DOCK1: variants seen among roughly 807,000 people sequenced by gnomAD.
The protein encoded by DOCK1 is dedicator of cytokinesis 1.
Under a neutral mutation model 262.7 loss-of-function variants are expected in DOCK1, and 138 were observed. The observed-to-expected ratio is 0.53, with a 90% confidence interval of 0.46 to 0.61. DOCK1 has a LOEUF of 0.61. Ranked by LOEUF, DOCK1 falls within the 20% of genes least tolerant of loss-of-function variation. The pLI, the probability that DOCK1 is intolerant of heterozygous loss-of-function variation, is 0.00. For missense variants in DOCK1, 1,908 were observed against 2,370.7 expected (o/e 0.80, Z 4.05); for synonymous variants, 866 against 867.4 (o/e 1.00, Z 0.03).
chr10:127,285,565 G>T (rs938811026), intron 29 of DOCK1, among the ~76,000 whole-genome samples: 3 of 152,230 alleles, frequency 2.0e-5, no homozygotes, highest in Non-Finnish European at 2.9e-5. Flanking sequence ...TCACTCTGGA[G>T]GTGGGAGTGG....
chr10:127,329,917 G>A, intron 29 of DOCK1, among the ~76,000 whole-genome samples: 1 of 152,116 alleles, frequency 6.6e-6, no homozygotes, highest in East Asian at 1.9e-4. Context: ...TGGAGGTGAA[G>A]CTGAGGGTAC....
At chr10:127,298,453 A>C (rs1336842137) in intron 29 of DOCK1, among the ~76,000 whole-genome samples, 5 of 152,082 alleles carry the variant, frequency 3.3e-5, no homozygotes, top group Non-Finnish European at 1.5e-5. Flanking sequence ...GTTAGGAGGG[A>C]GTTTTCCCTT....
At chr10:127,119,945 A>G (rs964171956) in intron 25 of DOCK1, among the ~76,000 whole-genome samples, 1 of 152,346 alleles carries the variant, frequency 6.6e-6, no homozygotes, top group African/African-American at 2.4e-5. Context: ...TCATTACCAG[A>G]GCATTAATCA....
intron 27 of DOCK1, among the ~76,000 whole-genome samples, chr10:127,131,140 G>C (rs1671698658): frequency 6.6e-6 from 1 of 152,254 alleles, no homozygotes; most frequent in South Asian, 2.1e-4. Flanking sequence ...TTCTAAGAAG[G>C]GGGTGTGACA....
intron 1 of DOCK1, among the ~76,000 whole-genome samples, chr10:126,948,116 ATGG>A (rs2035715404): frequency 4.8e-3 from 105 of 22,082 alleles, no homozygotes; most frequent in Middle Eastern, 0.036. Flanking sequence ...GTTGGTGGTG[ATGG>A]TGGTGGTTGG....
intron 33 of DOCK1, among the ~76,000 whole-genome samples, chr10:127,364,018 G>A (rs1420892708): frequency 6.6e-6 from 1 of 152,212 alleles, no homozygotes; most frequent in African/African-American, 2.4e-5. Flanking sequence ...CACGGTGCCT[G>A]GCACTATAAA....
At chr10:127,029,808 A>G (rs371989461) in intron 16 of DOCK1, among the ~76,000 whole-genome samples, 89 of 152,248 alleles carry the variant, frequency 5.8e-4, no homozygotes, top group African/African-American at 2.0e-3. Context: ...CCTTCTGCTG[A>G]CCATTATTGT....
At chr10:127,239,697 G>A (rs2059195352) in intron 27 of DOCK1, among the ~76,000 whole-genome samples, 1 of 152,050 alleles carries the variant, frequency 6.6e-6, no homozygotes, top group Non-Finnish European at 1.5e-5. Flanking sequence ...TTCTATTATA[G>A]TGTGTTTTCA....
At chr10:127,243,950 ATTC>A (rs1343304630) in intron 27 of DOCK1, among the ~76,000 whole-genome samples, 1 of 152,046 alleles carries the variant, frequency 6.6e-6, no homozygotes, top group African/African-American at 2.4e-5. Context: ...TGTACTATAT[ATTC>A]TTTATATTGG....
At chr10:127,040,714 T>C (rs567851066) in intron 19 of DOCK1, among the ~76,000 whole-genome samples, 2 of 152,318 alleles carry the variant, frequency 1.3e-5, no homozygotes, top group South Asian at 4.2e-4. Context: ...TTTCCTCTGA[T>C]GTCCTTGCTG....
At chr10:126,996,726 T>C in intron 6 of DOCK1, 22 bp from the exon 7 acceptor site, 1 of 1,599,618 alleles carries the variant, frequency 6.3e-7, no homozygotes, top group South Asian at 1.1e-5. Flanking sequence ...TCTGTGAACT[T>C]ACTAAATTCT....
intron 38 of DOCK1, among the ~76,000 whole-genome samples, chr10:127,400,545 G>A (rs569729486): frequency 3.3e-5 from 5 of 152,206 alleles, no homozygotes; most frequent in East Asian, 1.9e-4. Flanking sequence ...CAAGCCCACC[G>A]CTTATCTGCT....
chr10:127,047,806 A>G (rs2044448530), intron 21 of DOCK1, among the ~76,000 whole-genome samples: 1 of 152,164 alleles, frequency 6.6e-6, no homozygotes, highest in Admixed American at 6.5e-5. Context: ...TTCTCTTGAG[A>G]TTCATGCATG....
chr10:127,052,297 G>T (rs1046915036), intron 21 of DOCK1, among the ~76,000 whole-genome samples: 5 of 152,184 alleles, frequency 3.3e-5, no homozygotes, highest in African/African-American at 1.2e-4. Flanking sequence ...GGCCAAGGGG[G>T]GTGGATTGCC....
At chr10:127,287,111 G>T (rs1468125653) in intron 29 of DOCK1, among the ~76,000 whole-genome samples, 12 of 151,660 alleles carry the variant, frequency 7.9e-5, no homozygotes, top group Middle Eastern at 3.2e-3. Context: ...TTTTCACTGT[G>T]TTAGCCAGGA....
chr10:127,375,350 A>C (rs1394703848), intron 35 of DOCK1, among the ~76,000 whole-genome samples: 1 of 152,246 alleles, frequency 6.6e-6, no homozygotes, highest in Non-Finnish European at 1.5e-5. Flanking sequence ...CATGGCAAGA[A>C]TGCAAGAAAA....
intron 29 of DOCK1, among the ~76,000 whole-genome samples, chr10:127,318,038 C>T (rs2062358887): frequency 6.6e-6 from 1 of 152,166 alleles, no homozygotes; most frequent in Non-Finnish European, 1.5e-5. Flanking sequence ...TTGCTCAGGA[C>T]TTATTTCCCT....
chr10:127,231,427 T>G (rs935587818), intron 27 of DOCK1, among the ~76,000 whole-genome samples: 5 of 152,164 alleles, frequency 3.3e-5, no homozygotes, highest in African/African-American at 7.2e-5. Flanking sequence ...TTATTCTTTT[T>G]TTTTTATTTT....
In DOCK1 at chr10:127,399,576, T is replaced by C. The variant is rs189516246; in HGVS notation, c.3928-3479T>C. Among the ~76,000 whole-genome samples the C allele has an allele frequency of 5.6e-5, 7 of 125,974 alleles. No individual in the cohort carries two copies. The East Asian group carries it at 1.4e-3, about 24-fold the overall frequency. The allele number at this position is 125,974 out of a possible 152,430, so 82.6% of individuals were successfully genotyped here. A position where few individuals can be genotyped will look rare whatever the true frequency, so the allele number is the denominator to read the frequency against. On this transcript the variant is annotated intron_variant, in intron 38 of 51. Transcript: ENST00000623213. ...AGGGTGAGTCTGAGAAGATATTTACTCATGACTTGTATTTCTTTTAAAAAC... is the reference window on the plus strand; with the variant it reads ...AGGGTGAGTCTGAGAAGATATTTACCCATGACTTGTATTTCTTTTAAAAAC...
Sources: allele counts gnomAD v4.1 joint callset (sites outside exome capture counted in the v4.1 genomes callset), GRCh38; gene constraint gnomAD v4.1.1; transcripts MANE v1.5; gene names NCBI Gene and HGNC (gene_info 2026-07-23, HGNC 2026-07-21).